The following TBX5 variants were observed in gnomAD, a reference collection of about 807,000 sequenced individuals.
TBX5 encodes T-box transcription factor TBX5.
In TBX5, 8 loss-of-function variants were observed where a neutral mutation model predicts 51.1. The observed-to-expected ratio is 0.16, with a 90% confidence interval of 0.09 to 0.28. TBX5 has a LOEUF of 0.28. Among genes scored for constraint, TBX5 ranks in the 10% least tolerant of loss-of-function variants. The pLI is 1.00. For missense variants in TBX5, 589 were observed against 671.7 expected, an observed-to-expected ratio of 0.88 and a Z score of 1.36; for synonymous variants, 302 against 266.4, an observed-to-expected ratio of 1.13 and a Z score of -1.30.
chr12:114,399,691 C>A (rs1593881573), intron 3 of TBX5, 59 bp from the exon 4 acceptor site: 1 of 1,612,540 alleles, frequency 6.2e-7, no homozygotes, highest in South Asian at 1.1e-5. Flanking sequence ...TATTTTAAGG[C>A]AGCCTCCATC....
At chr12:114,367,983 A>C (rs1321653811) in intron 7 of TBX5, among the ~76,000 whole-genome samples, 2 of 152,214 alleles carry the variant, frequency 1.3e-5, no homozygotes, top group African/African-American at 4.8e-5. Context: ...AAACAGTTTA[A>C]GAACCCCTAT....
intron 8 of TBX5, among the ~76,000 whole-genome samples, chr12:114,364,954 C>T (rs1389468191): frequency 2.0e-5 from 3 of 152,176 alleles, no homozygotes; most frequent in South Asian, 2.1e-4. Context: ...ATGGTTCTAT[C>T]GAGCTGAACT....
intron 7 of TBX5, among the ~76,000 whole-genome samples, chr12:114,382,274 ACTGCCCTCCAGC>A (rs1015188796): frequency 1.8e-4 from 27 of 152,280 alleles, no homozygotes; most frequent in African/African-American, 5.3e-4. Flanking sequence ...TGATCGCACC[ACTGCCCTCCAGC>A]CTGGGCAACA....
At chr12:114,377,894 T>A (rs1870283895) in intron 7 of TBX5, among the ~76,000 whole-genome samples, 1 of 152,082 alleles carries the variant, frequency 6.6e-6, no homozygotes, top group Non-Finnish European at 1.5e-5. Context: ...CCAATGTGGC[T>A]GTGTAGAGTC....
intron 7 of TBX5, among the ~76,000 whole-genome samples, chr12:114,381,952 C>T (rs954971149): frequency 3.9e-5 from 6 of 152,176 alleles, no homozygotes; most frequent in Admixed American, 2.0e-4. Context: ...TGACTTTCTA[C>T]CAATGACTAG....
intron 7 of TBX5, among the ~76,000 whole-genome samples, chr12:114,373,746 C>T (rs548021956): frequency 6.6e-5 from 10 of 152,280 alleles, no homozygotes; most frequent in South Asian, 2.1e-4. Flanking sequence ...CATGAGCCAC[C>T]GCACCCAGCC....
intron 6 of TBX5, 126 bp downstream of exon 6, chr12:114,394,615 C>A (rs1335009412): frequency 7.7e-7 from 1 of 1,296,870 alleles, no homozygotes. Flanking sequence ...CACCCCAGCA[C>A]CCTGGGGTCG....
intron 1 of TBX5, among the ~76,000 whole-genome samples, chr12:114,404,975 T>G (rs1872109729): frequency 6.6e-6 from 1 of 152,196 alleles, no homozygotes; most frequent in African/African-American, 2.4e-5. Context: ...CGCAGAGCTG[T>G]TCAAGCCCGA....
intron 7 of TBX5, among the ~76,000 whole-genome samples, chr12:114,380,820 C>A (rs1212877037): frequency 6.7e-6 from 1 of 149,692 alleles, no homozygotes; most frequent in African/African-American, 2.5e-5. Context: ...CAGGGAAAGA[C>A]CCTGTCCTAA....
rs1174817506 is a variant in TBX5 at position 114,355,680 on chromosome 12, C to T, written c.1409G>A (p.Cys470Tyr). The T allele has an allele frequency of 6.2e-7, 1 of 1,614,172 alleles. No homozygotes were observed. ...SVAHQPVVRQ[C>Y]GPQTGLQSPG... ...GGACTGCAGGCCAGTCTGAGGCCCACACTGCCTGACCACAGGCTGGTGGGC... is the reference window on the plus strand; with the variant it reads ...GGACTGCAGGCCAGTCTGAGGCCCATACTGCCTGACCACAGGCTGGTGGGC... Residue 470 changes from cysteine to tyrosine, a missense_variant, in exon 9 of 9, where the codon TGT (cysteine) becomes TAT (tyrosine). Cys to Tyr is a radical substitution (Grantham distance 194, BLOSUM62 -2). Coordinates refer to ENST00000405440, the MANE Select transcript of TBX5 (RefSeq NM_181486.4).
intron 7 of TBX5, among the ~76,000 whole-genome samples, chr12:114,381,960 T>G (rs1214880093): frequency 6.6e-6 from 1 of 152,216 alleles, no homozygotes; most frequent in Non-Finnish European, 1.5e-5. Flanking sequence ...TACCAATGAC[T>G]AGCCACACTT....
upstream of TBX5, chr12:114,407,942 C>T (rs146645348): frequency 7.6e-4 from 746 of 985,422 alleles, 5 homozygotes; most frequent in African/African-American, 0.012. Flanking sequence ...CTTCTTCCAA[C>T]GTCTGTCAAG....
At chr12:114,367,792 G>A (rs1869634263) in intron 7 of TBX5, among the ~76,000 whole-genome samples, 6 of 152,152 alleles carry the variant, frequency 3.9e-5, no homozygotes, top group Admixed American at 1.3e-4. Context: ...GGAATCTTGG[G>A]CATGGCATTT....
In TBX5 at chr12:114,394,873, G is replaced by A. The variant is rs1871339718; in HGVS notation, c.531C>T (p.His177=). Residue 177 remains histidine, a synonymous_variant, in exon 6 of 9, where the codon CAC becomes CAT. Transcript: ENST00000405440. Reference sequence around the variant, plus strand: ...CGATGTGTAATCTAGGCTGGTATTTGTGCATGGAATTTAGAATAATCTAAA... The same window carrying A: ...CGATGTGTAATCTAGGCTGGTATTTATGCATGGAATTTAGAATAATCTAAA... The part of the protein sequence containing the change: ...PFGHIILNSM[H]KYQPRLHIVK... 6.2e-7 allele frequency: 1 copy of A among 1,614,056 alleles called. No homozygotes were observed. The highest frequency in any genetic ancestry group is 8.5e-7 in the Non-Finnish European group (1 of 1,179,964).
chr12:114,355,883 T>C lies in TBX5; in HGVS notation c.1206A>G (p.Pro402=), dbSNP rs763129045. The part of the protein sequence containing the change: ...SLEDISCNTW[P]SMPSYSSCTV... ...TGCAGCTGCTGTAGGAAGGCATGCT[T>C]GGCCACGTGTTGCAGCTGATGTCCT... Residue 402 remains proline (P), a synonymous_variant, in exon 9 of 9, where the codon CCA becomes CCG. Transcript: ENST00000405440. 1.9e-6 allele frequency: 3 copies of C among 1,613,726 alleles called. No individual in the cohort carries two copies. The South Asian group carries it at 3.3e-5, about 18-fold the overall frequency.
chr12:114,378,730 G>T (rs573185847), intron 7 of TBX5, among the ~76,000 whole-genome samples: 28 of 152,166 alleles, frequency 1.8e-4, no homozygotes, highest in Middle Eastern at 3.4e-3. Flanking sequence ...TCTACCTCTG[G>T]GGTTCAAGCA....
At chr12:114,362,177 G>A (rs971663058) in intron 8 of TBX5, among the ~76,000 whole-genome samples, 17 of 152,092 alleles carry the variant, frequency 1.1e-4, no homozygotes, top group African/African-American at 4.1e-4. Context: ...CAGACCCCAT[G>A]ACAGCCTTTC....
chr12:114,408,264 G>A (rs1421409134), upstream of TBX5: 1 of 960,502 alleles, frequency 1.0e-6, no homozygotes, highest in East Asian at 1.2e-4. Context: ...AAACCAACCC[G>A]GCTTTCTCCG....
chr12:114,380,330 G>A (rs1174447346), intron 7 of TBX5, among the ~76,000 whole-genome samples: 1 of 152,170 alleles, frequency 6.6e-6, no homozygotes, highest in Non-Finnish European at 1.5e-5. Context: ...TTTCTTTGTA[G>A]GTGGTTGAGC....
Sources: allele counts gnomAD v4.1 joint callset (sites outside exome capture counted in the v4.1 genomes callset), GRCh38; gene constraint gnomAD v4.1.1; transcripts MANE v1.5; gene names NCBI Gene and HGNC (gene_info 2026-07-23, HGNC 2026-07-21).